The following TLX1 variants were observed in gnomAD, a reference collection of about 807,000 sequenced individuals.
TLX1 encodes the protein T cell leukemia homeobox 1.
Under a neutral mutation model 26.5 loss-of-function variants are expected in TLX1, and 6 were observed. The ratio of observed to expected loss-of-function variants is 0.23; its 90% CI spans 0.12 to 0.45. The LOEUF (loss-of-function observed/expected upper bound fraction) is 0.45. Ranked by LOEUF, TLX1 falls within the 20% of genes least tolerant of loss-of-function variation. The pLI is 0.99. For missense variants in TLX1, 418 were observed against 482.6 expected (o/e 0.87, Z 1.25); for synonymous variants, 217 against 219.7 (o/e 0.99, Z 0.11).
At chr10:101,136,593 C>T (rs1159962321) in intron 2 of TLX1, 98 bp from the exon 3 acceptor site, 12 of 1,601,490 alleles carry the variant, frequency 7.5e-6, no homozygotes, top group Middle Eastern at 1.8e-4. Flanking sequence ...AGGCGAGCAG[C>T]GCTCGTTCAG....
In TLX1 at chr10:101,137,766, T is replaced by C. The variant is rs1940326333; in HGVS notation, c.*853T>C. On this transcript the variant is annotated 3_prime_UTR_variant, in exon 3 of 3. Transcript: ENST00000370196. Reference sequence around the variant, plus strand: ...GCTTGTGTAATTTATGTGAAAAAAATAAATAAAAGCCTCCGGATCCGGAGT... The same window carrying C: ...GCTTGTGTAATTTATGTGAAAAAAACAAATAAAAGCCTCCGGATCCGGAGT... The C allele has an allele frequency of 9.0e-6, 2 of 221,236 alleles. No individual in the cohort carries two copies. Among genetic ancestry groups the C allele is most frequent in the Non-Finnish European group, 1.8e-5 (2 of 110,464 alleles). The allele number at this position is 221,236 out of a possible 1,614,324, so 13.7% of individuals were successfully genotyped here.
chr10:101,136,014 G>C (rs1460634719), intron 2 of TLX1, among the ~76,000 whole-genome samples: 2 of 152,216 alleles, frequency 1.3e-5, no homozygotes, highest in Admixed American at 1.3e-4. Flanking sequence ...AATTGCTTCT[G>C]AAGGCCCCAG....
intron 2 of TLX1, among the ~76,000 whole-genome samples, chr10:101,135,156 GGC>G (rs1940267595): frequency 6.6e-6 from 1 of 151,148 alleles, no homozygotes; most frequent in Non-Finnish European, 1.5e-5. Flanking sequence ...CGCTTTCTCC[GGC>G]TGCACCCTCT....
intron 1 of TLX1, chr10:101,133,075 G>A (rs1940214888): frequency 3.3e-5 from 5 of 152,386 alleles, no homozygotes; most frequent in Admixed American, 3.3e-4. Context: ...TTGAGCCCAG[G>A]TTAGCCAGCC....
rs1466532243 is a variant in TLX1 at position 101,131,361 on chromosome 10, A to G, written c.-181A>G. 4.6e-6 allele frequency: 2 copies of G among 432,242 alleles called. No individual in the cohort carries two copies. The highest frequency in any genetic ancestry group is 4.2e-5 in the African/African-American group (2 of 48,076). The allele number at this position is 432,242 out of a possible 1,614,324, so 26.8% of individuals were successfully genotyped here. A position where few individuals can be genotyped will look rare whatever the true frequency, so the allele number is the denominator to read the frequency against. On this transcript the variant is annotated 5_prime_UTR_variant, in exon 1 of 3. Transcript: ENST00000370196. ...CGGGGAAGCAGAAGCCAGAGAGGGG[A>G]AGAATACGGCGCCCCCTCTCTCCCT...
rs1032683928 is a variant in TLX1 at position 101,131,756 on chromosome 10, G to A, written c.215G>A (p.Gly72Glu). The stretch of plus-strand genomic sequence containing the variant: ...GCCGCGACGGGGGCTGGAGGAGCGG[G>A]GGCCTATGGTACTGGAGGTCCCGGC... ...SAAATGAGGA[G>E]AYGTGGPGGP... Residue 72 changes from glycine to glutamate, a missense_variant, in exon 1 of 3, where the codon GGG (glycine) becomes GAG (glutamate). Coordinates refer to ENST00000370196, the MANE Select transcript of TLX1 (RefSeq NM_005521.4). 3 of 1,416,974 alleles carry A rather than the reference G, an allele frequency of 2.1e-6. No homozygotes were observed. Among genetic ancestry groups the A allele is most frequent in the Admixed American group, 3.3e-5 (1 of 29,918 alleles). The allele number at this position is 1,416,974 out of a possible 1,614,324, so 87.8% of individuals were successfully genotyped here.
At position 101,137,162 on chromosome 10, in the gene TLX1, G is replaced by T. The variant is rs976529836; in HGVS notation, c.*249G>T. The T allele has an allele frequency of 2.3e-5, 12 of 513,848 alleles. No individual in the cohort carries two copies. The highest frequency in any genetic ancestry group is 5.7e-5 in the African/African-American group (3 of 52,304). The allele number at this position is 513,848 out of a possible 1,614,324, so 31.8% of individuals were successfully genotyped here. The stretch of plus-strand genomic sequence containing the variant: ...ACCTGTCTGAACTGTTAAGAAATCT[G>T]TTTTTGTTTATTTCATTTTATTTTA... On this transcript the variant is annotated 3_prime_UTR_variant, in exon 3 of 3. Transcript: ENST00000370196.
In TLX1 at chr10:101,136,821, T is replaced by A; in HGVS notation, c.901T>A (p.Ser301Thr). 6.2e-7 allele frequency: 1 copy of A among 1,613,682 alleles called. No individual in the cohort carries two copies. The highest frequency in any genetic ancestry group is 8.5e-7 in the Non-Finnish European group (1 of 1,180,030). ...LPADPLCVHN[S>T]SLFALQNLQP... The stretch of plus-strand genomic sequence containing the variant: ...CGCTGACCCTCTGTGCGTGCACAAC[T>A]CGTCGCTCTTCGCCCTGCAGAATCT... The change falls in exon 3 of 3, where the codon TCG (serine) becomes ACG (threonine). Residue 301 changes from serine to threonine, a missense_variant. Coordinates refer to ENST00000370196, the MANE Select transcript of TLX1 (RefSeq NM_005521.4).
At chr10:101,135,293 G>C (rs1940271756) in intron 2 of TLX1, 1 of 153,376 alleles carries the variant, frequency 6.5e-6, no homozygotes. Context: ...CGGCGGCGCC[G>C]AGACGGGCGG....
chr10:101,136,287 AC>A (rs1250470358), intron 2 of TLX1, among the ~76,000 whole-genome samples: 1 of 152,062 alleles, frequency 6.6e-6, no homozygotes, highest in East Asian at 1.9e-4. Context: ...TCTGCCCTGG[AC>A]TTGTGGGTAG....
In TLX1 at chr10:101,136,867, C is replaced by G. The variant is rs1266374569; in HGVS notation, c.947C>G (p.Ser316Trp). ...LQNLQPWSDD[S>W]TKITSVTSVA... The stretch of plus-strand genomic sequence containing the variant: ...AATCTGCAGCCGTGGTCTGACGACT[C>G]GACCAAAATCACTAGCGTCACGTCG... The change falls in exon 3 of 3, where the codon TCG (serine) becomes TGG (tryptophan). Residue 316 changes from serine (S) to tryptophan (W), a missense_variant. By Grantham distance (177) the Ser-to-Trp change is radical. Around this residue, in one of 3 missense-constraint regions of TLX1, gnomAD observed 78 missense variants for 92.2 expected, o/e 0.85. Transcript: ENST00000370196. 4.3e-6 allele frequency: 7 copies of G among 1,613,632 alleles called. No homozygotes were observed. The highest frequency in any genetic ancestry group is 1.3e-5 in the African/African-American group (1 of 74,938).
At position 101,134,290 on chromosome 10, in the gene TLX1, G is replaced by A; in HGVS notation, c.684G>A (p.Ser228=). 1 of 1,612,340 alleles carries A rather than the reference G, an allele frequency of 6.2e-7. No individual in the cohort carries two copies. The highest frequency in any genetic ancestry group is 8.5e-7 in the Non-Finnish European group (1 of 1,179,506). Residue 228 remains serine (S), a synonymous_variant, in exon 2 of 3, where the codon TCG becomes TCA. Transcript: ENST00000370196. ...KRFHRQKYLA[S]AERAALAKAL... is the part of the protein sequence containing the mutation. ...TCCACCGCCAGAAGTACCTGGCCTC[G>A]GCCGAGCGCGCCGCCCTGGCCAAGG...
chr10:101,137,538 C>A lies in TLX1; in HGVS notation c.*625C>A. On this transcript the variant is annotated 3_prime_UTR_variant, in exon 3 of 3. Coordinates refer to ENST00000370196, the MANE Select transcript of TLX1 (RefSeq NM_005521.4). ...ACAAGGTCATGGCCACACTGTGACACACTACACCACACACAACAGCCAACA... is the reference window on the plus strand; with the variant it reads ...ACAAGGTCATGGCCACACTGTGACAAACTACACCACACACAACAGCCAACA... 1 of 235,476 alleles carries A rather than the reference C, an allele frequency of 4.2e-6. No individual in the cohort carries two copies. Among genetic ancestry groups the A allele is most frequent in the East Asian group, 6.0e-5 (1 of 16,616 alleles). The allele number at this position is 235,476 out of a possible 1,614,324, so 14.6% of individuals were successfully genotyped here.
At position 101,136,866 on chromosome 10, in the gene TLX1, T is replaced by C; in HGVS notation, c.946T>C (p.Ser316Pro). Reference protein sequence around the residue: ...LQNLQPWSDDSTKITSVTSVA... With the variant: ...LQNLQPWSDDPTKITSVTSVA... ...GAATCTGCAGCCGTGGTCTGACGAC[T>C]CGACCAAAATCACTAGCGTCACGTC... The change falls in exon 3 of 3, where the codon TCG becomes CCG. Residue 316 changes from serine (S) to proline (P), a missense_variant. Transcript: ENST00000370196. 1 of 1,613,724 alleles carries C rather than the reference T, an allele frequency of 6.2e-7. No homozygotes were observed. The highest frequency in any genetic ancestry group is 8.5e-7 in the Non-Finnish European group (1 of 1,180,028).
intron 2 of TLX1, among the ~76,000 whole-genome samples, chr10:101,135,070 G>GT (rs772231509): frequency 1.6e-4 from 24 of 152,216 alleles, no homozygotes; most frequent in East Asian, 3.9e-4. Flanking sequence ...GTTTTGTTTT[G>GT]TTTTTTCACA....
In TLX1 at chr10:101,134,160, T is replaced by C; in HGVS notation, c.569-15T>C. 2 of 1,586,284 alleles carry C rather than the reference T, an allele frequency of 1.3e-6. No homozygotes were observed. The highest frequency in any genetic ancestry group is 1.7e-6 in the Non-Finnish European group (2 of 1,167,612). ...CCAGTGGCCCTCTCACCCTTCACTG[T>C]AACACGCCGTATAGGTCACCCCTAT... On this transcript the variant is annotated splice_polypyrimidine_tract_variant and intron_variant, in intron 1 of 2. Coordinates refer to ENST00000370196, the MANE Select transcript of TLX1 (RefSeq NM_005521.4).
rs186793431 is a variant in TLX1, at chr10:101,137,762, A to C, written c.*849A>C. On this transcript the variant is annotated 3_prime_UTR_variant, in exon 3 of 3. Coordinates refer to ENST00000370196, the MANE Select transcript of TLX1 (RefSeq NM_005521.4). The stretch of plus-strand genomic sequence containing the variant: ...AAGTGCTTGTGTAATTTATGTGAAA[A>C]AAATAAATAAAAGCCTCCGGATCCG... 5.0e-4 allele frequency: 112 copies of C among 222,680 alleles called. No individual in the cohort carries two copies. Among genetic ancestry groups the C allele is most frequent in the African/African-American group, 2.4e-3 (107 of 44,834 alleles). The allele number at this position is 222,680 out of a possible 1,614,324, so 13.8% of individuals were successfully genotyped here.
In TLX1 at chr10:101,136,703, GGAGGAACGGGAGGCC is replaced by G; in HGVS notation, c.787_801del (p.Glu263_Glu267del). 1 of 1,612,692 alleles carries G rather than the reference GGAGGAACGGGAGGCC, an allele frequency of 6.2e-7. No homozygotes were observed. Reference sequence around the variant, plus strand: ...GTTCCCGGTGCAGACGGCAGACTGCGGAGGAACGGGAGGCCGAGAGGCAGCAAGCGAACCGCATCC... The same window carrying G: ...GTTCCCGGTGCAGACGGCAGACTGCGGAGAGGCAGCAAGCGAACCGCATCC... On this transcript the variant is annotated inframe_deletion, in exon 3 of 3. Transcript: ENST00000370196.
At chr10:101,136,543 A>C in intron 2 of TLX1, 148 bp from the exon 3 acceptor site, 6 of 1,274,190 alleles carry the variant, frequency 4.7e-6, no homozygotes, top group Non-Finnish European at 6.7e-6. Context: ...AAAAGAAGGG[A>C]ACGCGTTATA....
Sources: gnomAD v4.1 joint callset for allele counts (sites outside exome capture counted in the v4.1 genomes callset) on GRCh38, gnomAD v4.1.1 for gene constraint, gnomAD v4.1.1 regional missense constraint, MANE v1.5 for transcripts, NCBI Gene and HGNC (gene_info 2026-07-23, HGNC 2026-07-21) for gene names.